Variants in ATP6AP1 observed in about 807,000 individuals in gnomAD.
The protein encoded by ATP6AP1 is ATPase H+ transporting accessory protein 1, also known as V-type proton ATPase subunit S1.
In ATP6AP1, 1 loss-of-function variant was observed where a neutral mutation model predicts 32.0. The ratio of observed to expected loss-of-function variants is 0.03; its 90% CI spans 0.01 to 0.15. The LOEUF (loss-of-function observed/expected upper bound fraction) is 0.15, where lower values mean the gene tolerates loss of function less well. Ranked by LOEUF, ATP6AP1 falls within the 10% of genes least tolerant of loss-of-function variation. The pLI is 1.00. For synonymous variants in ATP6AP1, 187 were observed against 174.9 expected (o/e 1.07, Z -0.55); for missense variants, 297 against 398.8 (o/e 0.74, Z 2.17).
chrX:154,435,040 A>G, intron 7 of ATP6AP1, 99 bp from the exon 8 acceptor site: 1 of 987,155 alleles, frequency 1.0e-6, no homozygotes, highest in South Asian at 2.2e-5. Flanking sequence ...CAAGGACCCA[A>G]GGCAGCTTAG....
At chrX:154,433,087 C>T (rs1242273358) in intron 5 of ATP6AP1, 116 bp downstream of exon 5, 7 of 896,245 alleles carry the variant, frequency 7.8e-6, no homozygotes, top group Non-Finnish European at 1.1e-5. Context: ...GCCTGCTTCT[C>T]GGGGCAGCTG....
chrX:154,432,205 G>C (rs1557196896), intron 3 of ATP6AP1, 61 bp from the exon 4 acceptor site: 21 of 1,059,769 alleles, frequency 2.0e-5, no homozygotes. Flanking sequence ...GAGGTGTGGG[G>C]GGCTGGGCCA....
At position 154,432,317 on chromosome X, in the gene ATP6AP1, T is replaced by C. The variant is rs782237992; in HGVS notation, c.415T>C (p.Tyr139His). Residue 139 changes from tyrosine to histidine, a missense_variant, in exon 4 of 10, where the codon TAT becomes CAT. Physicochemically the swap from Tyr to His is moderately conservative, Grantham distance 83. Coordinates refer to ENST00000369762, the MANE Select transcript of ATP6AP1 (RefSeq NM_001183.6). ...ACTGGTGCTTCCTGCCGTCGACTGG[T>C]ATGCAGTCAGCACTCTGACCACTTA... ...SSLVLPAVDWYAVSTLTTYLQ... is the reference protein window; with the variant it reads ...SSLVLPAVDWHAVSTLTTYLQ... 1.7e-6 allele frequency: 2 copies of C among 1,211,999 alleles called. No individual in the cohort carries two copies. Among genetic ancestry groups the C allele is most frequent in the Non-Finnish European group, 1.1e-6 (1 of 895,422 alleles).
Position 154,431,852 on chromosome X carries a change from C to T in ATP6AP1, c.311C>T (p.Ala104Val), listed in dbSNP as rs782161019. Reference protein sequence around the residue: ...QDKLSIEDFTAYGGVFGNKQD... With the variant: ...QDKLSIEDFTVYGGVFGNKQD... ...TAGCTGAGCATTGAGGATTTCACAG[C>T]ATATGGCGGTGTGTTTGGAAACAAG... Residue 104 changes from alanine to valine, a missense_variant, in exon 3 of 10, where the codon GCA becomes GTA. Coordinates refer to ENST00000369762, the MANE Select transcript of ATP6AP1 (RefSeq NM_001183.6). 8.3e-7 allele frequency: 1 copy of T among 1,211,769 alleles called. No individual in the cohort carries two copies. Among genetic ancestry groups the T allele is most frequent in the South Asian group, 1.8e-5 (1 of 56,987 alleles).
rs782618752 is a variant in ATP6AP1 at position 154,434,412 on chromosome X, C to T, written c.889C>T (p.Leu297=). ...CACCTTTGGGGTGCAGGAACTCAAC[C>T]TGACTGGCTCCTTCTGGAATGACTC... is the stretch of plus-strand genomic sequence containing the variant. ...PLTFGVQELN[L]TGSFWNDSFA... The change falls in exon 7 of 10, where the codon CTG becomes TTG. Residue 297 remains leucine, a synonymous_variant. Transcript: ENST00000369762. 1.7e-6 allele frequency: 2 copies of T among 1,211,874 alleles called. No homozygotes were observed. Among genetic ancestry groups the T allele is most frequent in the South Asian group, 3.5e-5 (2 of 57,010 alleles).
rs1360388362 is a variant in ATP6AP1 at position 154,435,701 on chromosome X, T to C, written c.1223T>C (p.Met408Thr). 8.3e-7 allele frequency: 1 copy of C among 1,211,896 alleles called. No individual in the cohort carries two copies. The highest frequency in any genetic ancestry group is 1.1e-6 in the Non-Finnish European group (1 of 895,522). The change falls in exon 10 of 10, where the codon ATG (methionine) becomes ACG (threonine). Residue 408 changes from methionine (M) to threonine (T), a missense_variant. Met to Thr is a moderately conservative substitution (Grantham distance 81). This residue lies in a region of ATP6AP1 where 155 missense variants were observed against 253.8 expected (regional missense o/e 0.61). Coordinates refer to ENST00000369762, the MANE Select transcript of ATP6AP1 (RefSeq NM_001183.6). Reference protein sequence around the residue: ...QDFQIQAFNVMGEQFSYASDC... With the variant: ...QDFQIQAFNVTGEQFSYASDC... ...TGCCAGATCCAGGCTTTCAACGTAA[T>C]GGGGGAGCAGTTCTCCTACGCCAGC... is the stretch of plus-strand genomic sequence containing the variant.
Position 154,428,818 on chromosome X carries a change from G to A in ATP6AP1, c.126G>A (p.Glu42=), listed in dbSNP as rs930539656. The part of the protein sequence containing the change: ...LAAAAAAAAA[E]QQVPLVLWSS... ...CGGCGGCGGCGGCGGCAGCGGCGGA[G>A]CAGCAGGTCCCGCTGGTGCTGTGGT... is the stretch of plus-strand genomic sequence containing the variant. Residue 42 remains glutamate (E), a synonymous_variant, in exon 1 of 10, where the codon GAG becomes GAA. Transcript: ENST00000369762. 7.2e-6 allele frequency: 8 copies of A among 1,113,618 alleles called. No individual in the cohort carries two copies. The highest frequency in any genetic ancestry group is 9.4e-6 in the Non-Finnish European group (8 of 854,891). 91.8% of individuals were successfully genotyped at this position (1,113,618 alleles called of 1,213,427 possible). A position where few individuals can be genotyped will look rare whatever the true frequency, so the allele number is the denominator to read the frequency against.
intron 6 of ATP6AP1, 81 bp downstream of exon 6, chrX:154,433,801 G>A: frequency 9.8e-7 from 1 of 1,021,338 alleles, no homozygotes; most frequent in South Asian, 2.0e-5. Flanking sequence ...GGGAGTGTAT[G>A]CCACAGGTAG....
chrX:154,429,096 C>T lies in ATP6AP1; in HGVS notation c.210C>T (p.Ser70=). ...ACACTCATGAAGGCCACATCACCAG[C>T]GACTTGCAGCTCTCTACCTACTTAG... ...AADTHEGHIT[S]DLQLSTYLDP... is the part of the protein sequence containing the mutation. The change falls in exon 2 of 10, where the codon AGC becomes AGT. Residue 70 remains serine, a synonymous_variant. Transcript: ENST00000369762. 2 of 1,211,768 alleles carry T rather than the reference C, an allele frequency of 1.7e-6. No individual in the cohort carries two copies. The highest frequency in any genetic ancestry group is 2.2e-6 in the Non-Finnish European group (2 of 895,427).
intron 2 of ATP6AP1, 96 bp from the exon 3 acceptor site, chrX:154,431,734 C>A: frequency 1.2e-6 from 1 of 851,358 alleles, no homozygotes; most frequent in Admixed American, 2.3e-5. Flanking sequence ...TGAGACTTTG[C>A]TGGCCCTGAG....
chrX:154,432,018 G>T, intron 3 of ATP6AP1, 114 bp downstream of exon 3: 1 of 831,537 alleles, frequency 1.2e-6, no homozygotes, highest in Admixed American at 2.7e-5. Context: ...GTCTCTTCTG[G>T]GTCAACCATC....
At chrX:154,431,777 G>A (rs1046244673) in intron 2 of ATP6AP1, 53 bp from the exon 3 acceptor site, 1 of 1,151,590 alleles carries the variant, frequency 8.7e-7, no homozygotes, top group Non-Finnish European at 1.2e-6. Flanking sequence ...CCCCTGCCTT[G>A]GCCCCCATCA....
intron 4 of ATP6AP1, 69 bp downstream of exon 4, chrX:154,432,528 GT>G: frequency 9.1e-7 from 1 of 1,096,202 alleles, no homozygotes; most frequent in Non-Finnish European, 1.2e-6. Flanking sequence ...GCTATGGCAT[GT>G]GGTGGCACCG....
intron 3 of ATP6AP1, 42 bp from the exon 4 acceptor site, chrX:154,432,224 G>A: frequency 8.9e-7 from 1 of 1,129,292 alleles, no homozygotes; most frequent in Non-Finnish European, 1.2e-6. Flanking sequence ...CAGGCCCACT[G>A]GCCCCTGGCT....
chrX:154,436,016 C>A lies in ATP6AP1; in HGVS notation c.*125C>A. On this transcript the variant is annotated 3_prime_UTR_variant, in exon 10 of 10. Coordinates refer to ENST00000369762, the MANE Select transcript of ATP6AP1 (RefSeq NM_001183.6). ...AGCATGAACTGCAAGCTCCCCTCAGCCCATCTTGCTCCCTCTTCAGCCCGC... is the reference window on the plus strand; with the variant it reads ...AGCATGAACTGCAAGCTCCCCTCAGACCATCTTGCTCCCTCTTCAGCCCGC... 1.5e-6 allele frequency: 1 copy of A among 681,322 alleles called. No homozygotes were observed. The highest frequency in any genetic ancestry group is 2.2e-6 in the Non-Finnish European group (1 of 447,367). The allele number at this position is 681,322 out of a possible 1,213,427, so 56.1% of individuals were successfully genotyped here. A position where few individuals can be genotyped will look rare whatever the true frequency, so the allele number is the denominator to read the frequency against.
chrX:154,433,953 C>T (rs1056188193), intron 6 of ATP6AP1, among the ~76,000 whole-genome samples: 6 of 111,839 alleles, frequency 5.4e-5, no homozygotes, highest in Non-Finnish European at 9.4e-5. Flanking sequence ...CTTTCCATCT[C>T]GTCCTGTGAG....
intron 6 of ATP6AP1, 76 bp downstream of exon 6, chrX:154,433,796 T>C: frequency 9.5e-7 from 1 of 1,052,696 alleles, no homozygotes; most frequent in East Asian, 3.1e-5. Flanking sequence ...AGGTGGGGAG[T>C]GTATGCCACA....
intron 7 of ATP6AP1, 62 bp downstream of exon 7, chrX:154,434,508 C>T: frequency 4.6e-6 from 5 of 1,096,385 alleles, no homozygotes; most frequent in South Asian, 1.9e-5. Flanking sequence ...CACTGTGGGT[C>T]GCAGGTGGGG....
Position 154,434,490 on chromosome X carries a change from C to T in ATP6AP1, c.923+44C>T, listed in dbSNP as rs782625482. ...GGAGGACTGTGCCACCACAGGTGAC[C>T]TTCCCATCACTGTGGGTCGCAGGTG... On this transcript the variant is annotated intron_variant, in intron 7 of 9. Coordinates refer to ENST00000369762, the MANE Select transcript of ATP6AP1 (RefSeq NM_001183.6). The T allele has an allele frequency of 3.5e-6, 4 of 1,147,224 alleles. No homozygotes were observed. In the African/African-American group the frequency reaches 5.4e-5, roughly 15 times the overall value. 94.5% of individuals were successfully genotyped at this position (1,147,224 alleles called of 1,213,427 possible). A position where few individuals can be genotyped will look rare whatever the true frequency, so the allele number is the denominator to read the frequency against.
Sources: gnomAD v4.1 joint callset for allele counts (sites outside exome capture counted in the v4.1 genomes callset) on GRCh38, gnomAD v4.1.1 for gene constraint, gnomAD v4.1.1 regional missense constraint, MANE v1.5 for transcripts, NCBI Gene and HGNC (gene_info 2026-07-23, HGNC 2026-07-21) for gene names.